The following UNC13C variants were observed in gnomAD, a reference collection of about 807,000 sequenced individuals.
UNC13C encodes the protein unc-13 homolog C.
Under a neutral mutation model 245.4 loss-of-function variants are expected in UNC13C, and 174 were observed. The observed-to-expected ratio is 0.71, with a 90% CI of 0.63 to 0.80. The LOEUF (loss-of-function observed/expected upper bound fraction) is 0.80. Among genes scored for constraint, UNC13C ranks in the 30% least tolerant of loss-of-function variants. UNC13C has a pLI of 0.00. For synonymous variants in UNC13C, 992 were observed against 895.1 expected (o/e 1.11, Z -1.93); for missense variants, 2,829 against 2,602.9 (o/e 1.09, Z -1.89).
chr15:54,592,239 C>T (rs545034317), intron 30 of UNC13C, among the ~76,000 whole-genome samples: 38 of 152,194 alleles, frequency 2.5e-4, no homozygotes, highest in African/African-American at 8.9e-4. Flanking sequence ...GGAGAAAGTT[C>T]CATGCACTGC....
chr15:53,988,201 G>A (rs909412038), intron 1 of UNC13C, among the ~76,000 whole-genome samples: 1 of 151,908 alleles, frequency 6.6e-6, no homozygotes, highest in East Asian at 1.9e-4. Context: ...TTTAGGTATG[G>A]GAGGAGGAGG....
chr15:54,128,674 T>C (rs2141209611), intron 2 of UNC13C, among the ~76,000 whole-genome samples: 1 of 152,290 alleles, frequency 6.6e-6, no homozygotes, highest in African/African-American at 2.4e-5. Context: ...TTCTGATTCA[T>C]TTCTACCAGG....
chr15:53,951,310 C>A, the UNC13C span, among the ~76,000 whole-genome samples: 26 of 152,322 alleles, frequency 1.7e-4, no homozygotes, highest in Non-Finnish European at 3.4e-4. Flanking sequence ...ACATTTTACC[C>A]TGATTTCACA....
chr15:53,899,791 G>A, the UNC13C span, among the ~76,000 whole-genome samples: 1 of 152,064 alleles, frequency 6.6e-6, no homozygotes, highest in Non-Finnish European at 1.5e-5. Context: ...TCAAACTCCC[G>A]ACCTCAGGTG....
intron 2 of UNC13C, among the ~76,000 whole-genome samples, chr15:54,070,979 C>T (rs926443176): frequency 1.3e-5 from 2 of 152,062 alleles, no homozygotes. Context: ...ATCTATAGGG[C>T]CTGATGTGTT....
the UNC13C span, among the ~76,000 whole-genome samples, chr15:53,875,930 G>C: frequency 6.6e-6 from 1 of 152,220 alleles, no homozygotes; most frequent in South Asian, 2.1e-4. Context: ...TGGAACAAAA[G>C]GTGGTAAGGA....
chr15:54,243,749 G>GT (rs993991403), intron 7 of UNC13C, among the ~76,000 whole-genome samples: 9 of 152,130 alleles, frequency 5.9e-5, no homozygotes, highest in South Asian at 2.1e-4. Context: ...TTCTTTTCAT[G>GT]TTTTTTTGAC....
chr15:54,374,138 G>A (rs963007143), intron 17 of UNC13C, among the ~76,000 whole-genome samples: 1 of 152,122 alleles, frequency 6.6e-6, no homozygotes, highest in African/African-American at 2.4e-5. Flanking sequence ...GGTTTTTATG[G>A]GCTTCAAAAG....
At chr15:54,415,166 C>T in intron 19 of UNC13C, 99 bp downstream of exon 19, 2 of 838,506 alleles carry the variant, frequency 2.4e-6, no homozygotes, top group Non-Finnish European at 3.6e-6. Flanking sequence ...CATTAAAACA[C>T]TGATTACTGT....
intron 16 of UNC13C, among the ~76,000 whole-genome samples, chr15:54,334,257 G>A (rs145520169): frequency 6.6e-6 from 1 of 152,182 alleles, no homozygotes; most frequent in African/African-American, 2.4e-5. Context: ...TACCCCAATT[G>A]TGGCAACTTC....
chr15:54,292,676 T>C (rs1410083297), intron 10 of UNC13C, among the ~76,000 whole-genome samples: 1 of 151,804 alleles, frequency 6.6e-6, no homozygotes, highest in Non-Finnish European at 1.5e-5. Context: ...ATTCATAGAA[T>C]TAAATCAATT....
intron 19 of UNC13C, among the ~76,000 whole-genome samples, chr15:54,458,680 C>CTT (rs79291504): frequency 0.049 from 3,213 of 65,784 alleles, 332 homozygotes; most frequent in Admixed American, 0.1. Context: ...CCTTTAAGGT[C>CTT]TTTTTTTTTT....
chr15:54,467,174 C>T (rs532815068), intron 19 of UNC13C, among the ~76,000 whole-genome samples: 3 of 151,738 alleles, frequency 2.0e-5, no homozygotes, highest in Non-Finnish European at 4.4e-5. Flanking sequence ...ATGGTTCCTT[C>T]GTTCATGGGG....
At chr15:53,895,700 A>G in the UNC13C span, among the ~76,000 whole-genome samples, 6 of 152,162 alleles carry the variant, frequency 3.9e-5, no homozygotes, top group Non-Finnish European at 8.8e-5. Context: ...CTTAGGCATT[A>G]CAGACGAGAA....
chr15:53,966,041 A>G, the UNC13C span, among the ~76,000 whole-genome samples: 1 of 152,168 alleles, frequency 6.6e-6, no homozygotes, highest in Non-Finnish European at 1.5e-5. Flanking sequence ...TTTTATCTAT[A>G]GGTTTCCCCG....
chr15:54,425,386 T>C (rs1255526516), intron 19 of UNC13C, among the ~76,000 whole-genome samples: 1 of 151,792 alleles, frequency 6.6e-6, no homozygotes, highest in African/African-American at 2.4e-5. Context: ...GGTTTGCAAA[T>C]GGGAGAATTC....
the UNC13C span, among the ~76,000 whole-genome samples, chr15:53,954,878 A>G: frequency 6.6e-6 from 1 of 152,348 alleles, no homozygotes; most frequent in African/African-American, 2.4e-5. Flanking sequence ...CTAGCCTTAC[A>G]CAGAGTATCA....
chr15:54,068,796 G>A (rs1408357850), intron 2 of UNC13C, among the ~76,000 whole-genome samples: 1 of 152,140 alleles, frequency 6.6e-6, no homozygotes, highest in Non-Finnish European at 1.5e-5. Context: ...GAAATTGTCA[G>A]AACTTTTCTT....
At chr15:54,200,145 T>C (rs1234228525) in intron 4 of UNC13C, among the ~76,000 whole-genome samples, 1 of 152,068 alleles carries the variant, frequency 6.6e-6, no homozygotes, top group African/African-American at 2.4e-5. Context: ...CAATTGTGAA[T>C]ATATGTGCAC....
Sources: gnomAD v4.1 joint callset for allele counts (sites outside exome capture counted in the v4.1 genomes callset) on GRCh38, gnomAD v4.1.1 for gene constraint, MANE v1.5 for transcripts, NCBI Gene and HGNC (gene_info 2026-07-23, HGNC 2026-07-21) for gene names.